SLC4A10: variants seen among roughly 807,000 people sequenced by gnomAD.
SLC4A10 encodes the protein sodium-driven chloride bicarbonate exchanger.
A neutral mutation model predicts 137.7 loss-of-function variants in SLC4A10; 42 were observed. That is an observed-to-expected ratio of 0.30 (90% CI 0.24 to 0.39). The LOEUF (loss-of-function observed/expected upper bound fraction) is 0.39, where lower values mean the gene tolerates loss of function less well. Ranked by LOEUF, SLC4A10 falls within the 10% of genes least tolerant of loss-of-function variation. The pLI is 1.00. For missense variants in SLC4A10, 925 were observed against 1,355.0 expected, an observed-to-expected ratio of 0.68 and a Z score of 4.98; for synonymous variants, 474 against 464.1, an observed-to-expected ratio of 1.02 and a Z score of -0.27.
rs149447412 is a variant in SLC4A10 at position 161,797,517 on chromosome 2, G to C, written c.131-6932G>C. ...ATTGTTTGCTGCTGTTTTCATTGCTGGGCTTGATTCGTTAGCCAGTTTTTT... is the reference window on the plus strand; with the variant it reads ...ATTGTTTGCTGCTGTTTTCATTGCTCGGCTTGATTCGTTAGCCAGTTTTTT... On this transcript the variant is annotated intron_variant, in intron 2 of 26. Transcript: ENST00000446997. Among the ~76,000 whole-genome samples the C allele has an allele frequency of 1.6e-4, 24 of 148,798 alleles. 1 individual carries two copies. The East Asian group carries it at 4.7e-3, about 29-fold the overall frequency.
chr2:161,812,733 GTATATGTACCACATTTTCTT>G (rs2056673319), intron 3 of SLC4A10, among the ~76,000 whole-genome samples: 1 of 152,046 alleles, frequency 6.6e-6, no homozygotes, highest in Non-Finnish European at 1.5e-5. Flanking sequence ...ATTCCATGGT[GTATATGTACCACATTTTCTT>G]TATCCACCTC....
intron 3 of SLC4A10, among the ~76,000 whole-genome samples, chr2:161,833,690 T>C (rs1232437272): frequency 2.0e-5 from 3 of 152,236 alleles, no homozygotes; most frequent in Non-Finnish European, 4.4e-5. Context: ...CTATGTTATG[T>C]ATTCAGATTT....
intron 1 of SLC4A10, among the ~76,000 whole-genome samples, chr2:161,722,538 A>C (rs2045794882): frequency 6.6e-6 from 1 of 152,184 alleles, no homozygotes; most frequent in East Asian, 1.9e-4. Flanking sequence ...GAGGCTGCAG[A>C]ACAGCAAAGA....
chr2:161,886,745 G>A (rs763184345), intron 10 of SLC4A10, among the ~76,000 whole-genome samples: 3 of 151,784 alleles, frequency 2.0e-5, no homozygotes, highest in Non-Finnish European at 2.9e-5. Context: ...GAAAAAAATT[G>A]TTTGGTGGCT....
intron 1 of SLC4A10, among the ~76,000 whole-genome samples, chr2:161,764,298 A>T (rs1182869469): frequency 6.6e-6 from 1 of 152,180 alleles, no homozygotes; most frequent in African/African-American, 2.4e-5. Flanking sequence ...AAAGGAGAAT[A>T]TATTAACATA....
At chr2:161,722,077 A>G (rs748367189) in intron 1 of SLC4A10, among the ~76,000 whole-genome samples, 68 of 152,146 alleles carry the variant, frequency 4.5e-4, no homozygotes, top group Non-Finnish European at 8.7e-4. Flanking sequence ...TCTGGTTAAC[A>G]GCTCCTGTTT....
intron 1 of SLC4A10, among the ~76,000 whole-genome samples, chr2:161,712,390 TA>T (rs943591628): frequency 1.3e-5 from 2 of 150,446 alleles, no homozygotes; most frequent in East Asian, 1.9e-4. Flanking sequence ...AATTAAGGGG[TA>T]AAAAAAAGCC....
intron 1 of SLC4A10, among the ~76,000 whole-genome samples, chr2:161,714,945 C>G (rs1277985819): frequency 6.6e-6 from 1 of 151,834 alleles, no homozygotes; most frequent in Non-Finnish European, 1.5e-5. Flanking sequence ...TAGGTAAATG[C>G]TACAAATATG....
chr2:161,928,536 A>T (rs1485650389), intron 15 of SLC4A10, among the ~76,000 whole-genome samples: 1 of 151,194 alleles, frequency 6.6e-6, no homozygotes, highest in Admixed American at 6.6e-5. Context: ...AACAGAATAA[A>T]AAAAGTATAA....
chr2:161,899,834 C>A (rs570346172), intron 11 of SLC4A10, among the ~76,000 whole-genome samples: 3 of 152,022 alleles, frequency 2.0e-5, no homozygotes, highest in Non-Finnish European at 4.4e-5. Flanking sequence ...TATCTTTGAA[C>A]TTTAGTCTTA....
chr2:161,799,442 T>C (rs2055147223), intron 2 of SLC4A10, among the ~76,000 whole-genome samples: 1 of 151,902 alleles, frequency 6.6e-6, no homozygotes, highest in South Asian at 2.1e-4. Context: ...GTACTATTCT[T>C]TACAGGACCT....
chr2:161,953,188 A>C (rs1339085839), intron 19 of SLC4A10, among the ~76,000 whole-genome samples: 3 of 151,984 alleles, frequency 2.0e-5, no homozygotes, highest in Admixed American at 1.3e-4. Context: ...ACCCAAGTCA[A>C]CTCAGAATTC....
chr2:161,804,431 GT>G lies in SLC4A10; in HGVS notation c.131-15del. 1 of 1,604,940 alleles carries G rather than the reference GT, an allele frequency of 6.2e-7. No individual in the cohort carries two copies. Among genetic ancestry groups the G allele is most frequent in the Non-Finnish European group, 8.5e-7 (1 of 1,175,286 alleles). On this transcript the variant is annotated splice_polypyrimidine_tract_variant and intron_variant, in intron 2 of 26. Coordinates refer to ENST00000446997, the MANE Select transcript of SLC4A10 (RefSeq NM_001178015.2). ...GAATAATTCAGAGTTTAATTTGTGG[GT>G]TTGCTTCCTTATGAAGGTCATCGAA...
At chr2:161,696,480 A>C (rs2042522141) in intron 1 of SLC4A10, among the ~76,000 whole-genome samples, 1 of 77,168 alleles carries the variant, frequency 1.3e-5, no homozygotes, top group Admixed American at 2.0e-4. Flanking sequence ...AACAGTCCCC[A>C]GAGTGTGATG....
chr2:161,952,135 A>C (rs1433224394), intron 19 of SLC4A10, among the ~76,000 whole-genome samples: 1 of 152,124 alleles, frequency 6.6e-6, no homozygotes, highest in Non-Finnish European at 1.5e-5. Context: ...ATCCTCTGTA[A>C]GGGCCATCAG....
At chr2:161,904,978 A>G in intron 14 of SLC4A10, 69 bp downstream of exon 14, 4 of 1,499,138 alleles carry the variant, frequency 2.7e-6, no homozygotes, top group Admixed American at 3.9e-5. Context: ...ACTTCTCCCA[A>G]CATCACTTTT....
chr2:161,816,309 T>C (rs745957469), intron 3 of SLC4A10, among the ~76,000 whole-genome samples: 2 of 152,138 alleles, frequency 1.3e-5, no homozygotes, highest in Non-Finnish European at 2.9e-5. Context: ...CGAAGAAGTA[T>C]AGGATAGAGG....
At chr2:161,980,187 G>A (rs1044538002) in intron 26 of SLC4A10, among the ~76,000 whole-genome samples, 3 of 152,168 alleles carry the variant, frequency 2.0e-5, no homozygotes, top group Admixed American at 6.5e-5. Flanking sequence ...AGGAAAAGCA[G>A]CACTTAGCTT....
intron 6 of SLC4A10, among the ~76,000 whole-genome samples, chr2:161,870,381 T>C (rs2061040888): frequency 6.6e-6 from 1 of 151,708 alleles, no homozygotes; most frequent in Non-Finnish European, 1.5e-5. Context: ...TGACTTTTGT[T>C]TTGTATGTGT....
Sources: allele counts gnomAD v4.1 joint callset (sites outside exome capture counted in the v4.1 genomes callset), GRCh38; gene constraint gnomAD v4.1.1; transcripts MANE v1.5; gene names NCBI Gene and HGNC (gene_info 2026-07-23, HGNC 2026-07-21).